The following ADAM22 variants were observed in gnomAD, a reference collection of about 807,000 sequenced individuals.
The protein encoded by ADAM22 is ADAM metallopeptidase domain 22, also known as disintegrin and metalloproteinase domain-containing protein 22.
ADAM22 carries 65 observed loss-of-function variants against 144.6 expected under a neutral mutation model. That is an observed-to-expected ratio of 0.45 (90% CI 0.37 to 0.55). The LOEUF (loss-of-function observed/expected upper bound fraction) is 0.55. Ranked by LOEUF, ADAM22 falls within the 20% of genes least tolerant of loss-of-function variation. The pLI is 0.00. For synonymous variants in ADAM22, 391 were observed against 412.6 expected, an observed-to-expected ratio of 0.95 and a Z score of 0.63; for missense variants, 974 against 1,184.9, an observed-to-expected ratio of 0.82 and a Z score of 2.61.
intron 4 of ADAM22, among the ~76,000 whole-genome samples, chr7:88,085,959 G>A (rs1818339243): frequency 6.6e-6 from 1 of 152,106 alleles, no homozygotes; most frequent in African/African-American, 2.4e-5. Context: ...GGGGGATCAC[G>A]ACGTCAGGAG....
chr7:87,987,970 C>T (rs969146968), intron 3 of ADAM22, among the ~76,000 whole-genome samples: 1 of 152,144 alleles, frequency 6.6e-6, no homozygotes, highest in Non-Finnish European at 1.5e-5. Flanking sequence ...CAGACAGGGA[C>T]TGTAGCTACC....
intron 14 of ADAM22, among the ~76,000 whole-genome samples, 172 bp from the exon 15 acceptor site, chr7:88,142,852 GAA>G (rs1835198818): frequency 6.7e-6 from 1 of 148,812 alleles, no homozygotes; most frequent in Non-Finnish European, 1.5e-5. Flanking sequence ...AAAAAAAAAA[GAA>G]ATAATATTGA....
At chr7:88,025,545 A>G (rs948746257) in intron 3 of ADAM22, among the ~76,000 whole-genome samples, 1 of 152,184 alleles carries the variant, frequency 6.6e-6, no homozygotes, top group African/African-American at 2.4e-5. Context: ...TGATTTTTGT[A>G]TATGGCAAGA....
chr7:88,155,787 T>C, intron 21 of ADAM22, 100 bp from the exon 22 acceptor site: 1 of 1,413,736 alleles, frequency 7.1e-7, no homozygotes, highest in Non-Finnish European at 9.6e-7. Flanking sequence ...GATAATATAC[T>C]TGATGAAAAC....
Position 87,935,009 on chromosome 7 carries a change from C to T in ADAM22, c.86-17C>T. ...CCTTTTCTCTCCACTCCCTCCTTTC[C>T]CGGTTCCTGCCTGGAGGAGACGCCT... On this transcript the variant is annotated splice_polypyrimidine_tract_variant and intron_variant, in intron 1 of 31. Coordinates refer to ENST00000413139, the MANE Select transcript of ADAM22 (RefSeq NM_001324418.2). 6.2e-7 allele frequency: 1 copy of T among 1,614,106 alleles called. No homozygotes were observed. The highest frequency in any genetic ancestry group is 2.2e-5 in the East Asian group (1 of 44,860).
At chr7:88,175,474 T>C (rs1845407464) in intron 26 of ADAM22, among the ~76,000 whole-genome samples, 1 of 152,116 alleles carries the variant, frequency 6.6e-6, no homozygotes, top group Non-Finnish European at 1.5e-5. Context: ...GCCAAAGTTG[T>C]ACAGAGAAGA....
At chr7:88,127,473 C>A (rs1830685047) in intron 8 of ADAM22, among the ~76,000 whole-genome samples, 1 of 151,976 alleles carries the variant, frequency 6.6e-6, no homozygotes. Context: ...AAACACCCCC[C>A]TCCCTTAAAA....
chr7:88,189,683 C>A (rs1011210604), intron 30 of ADAM22, among the ~76,000 whole-genome samples: 1 of 152,118 alleles, frequency 6.6e-6, no homozygotes. Context: ...CAGTGGCTCA[C>A]GCCTGTAATC....
At chr7:88,162,876 T>C in intron 22 of ADAM22, 136 bp from the exon 23 acceptor site, 1 of 762,094 alleles carries the variant, frequency 1.3e-6, no homozygotes, top group Non-Finnish European at 2.0e-6. Context: ...GAGATTGAAC[T>C]GGCTTATGCT....
intron 3 of ADAM22, among the ~76,000 whole-genome samples, chr7:87,996,825 C>T (rs1013625912): frequency 3.3e-5 from 5 of 152,200 alleles, no homozygotes; most frequent in African/African-American, 1.2e-4. Context: ...ACTGTGTGAT[C>T]TTGGGCAAGT....
chr7:88,054,954 A>G (rs922400468), intron 3 of ADAM22, among the ~76,000 whole-genome samples: 2 of 152,160 alleles, frequency 1.3e-5, no homozygotes. Flanking sequence ...TTCTTTAAGA[A>G]AAAAAACAAA....
At chr7:88,015,332 G>A (rs566772526) in intron 3 of ADAM22, among the ~76,000 whole-genome samples, 1 of 152,220 alleles carries the variant, frequency 6.6e-6, no homozygotes, top group South Asian at 2.1e-4. Flanking sequence ...ATAGTAAAAT[G>A]CTTAAATAAT....
chr7:88,028,993 T>C (rs1799641309), intron 3 of ADAM22, among the ~76,000 whole-genome samples: 1 of 152,186 alleles, frequency 6.6e-6, no homozygotes, highest in African/African-American at 2.4e-5. Flanking sequence ...TTTAATTTTA[T>C]TTTTTGTGGA....
At chr7:88,091,478 A>G (rs535343346) in intron 4 of ADAM22, among the ~76,000 whole-genome samples, 1 of 152,304 alleles carries the variant, frequency 6.6e-6, no homozygotes, top group South Asian at 2.1e-4. Context: ...GATCAATACT[A>G]GTAACTGGAT....
At chr7:88,038,812 G>A (rs1044787830) in intron 3 of ADAM22, among the ~76,000 whole-genome samples, 6 of 148,826 alleles carry the variant, frequency 4.0e-5, no homozygotes, top group African/African-American at 7.5e-5. Flanking sequence ...ACAGAGTCTC[G>A]CTCTGTTGCC....
At chr7:88,055,725 C>G (rs1808071716) in intron 3 of ADAM22, among the ~76,000 whole-genome samples, 1 of 152,196 alleles carries the variant, frequency 6.6e-6, no homozygotes, top group African/African-American at 2.4e-5. Context: ...GCCAGTTTCC[C>G]TACCTGAAAT....
At chr7:88,112,391 C>A (rs1190094434) in intron 5 of ADAM22, among the ~76,000 whole-genome samples, 1 of 152,160 alleles carries the variant, frequency 6.6e-6, no homozygotes, top group Non-Finnish European at 1.5e-5. Context: ...GGAATTTCAC[C>A]AATTTCACTA....
intron 2 of ADAM22, among the ~76,000 whole-genome samples, chr7:87,968,139 G>T (rs908762796): frequency 2.6e-5 from 4 of 152,138 alleles, no homozygotes; most frequent in Non-Finnish European, 5.9e-5. Context: ...TGAAGGCAAG[G>T]GGAGAGAGCT....
chr7:87,973,856 C>T (rs879912650), intron 2 of ADAM22, among the ~76,000 whole-genome samples: 5 of 151,848 alleles, frequency 3.3e-5, no homozygotes, highest in Non-Finnish European at 5.9e-5. Context: ...CCAAACACCG[C>T]ATATTCTCAC....
Sources: gnomAD v4.1 joint callset for allele counts (sites outside exome capture counted in the v4.1 genomes callset) on GRCh38, gnomAD v4.1.1 for gene constraint, MANE v1.5 for transcripts, NCBI Gene and HGNC (gene_info 2026-07-23, HGNC 2026-07-21) for gene names.